Variants in INF2 observed in about 807,000 individuals in gnomAD.
The protein encoded by INF2 is inverted formin 2, also known as inverted formin-2.
INF2 carries 43 observed loss-of-function variants against 123.5 expected under a neutral mutation model. The ratio of observed to expected loss-of-function variants is 0.35; its 90% CI spans 0.27 to 0.45. The LOEUF is 0.45. Among genes scored for constraint, INF2 ranks in the 20% least tolerant of loss-of-function variants. INF2 has a pLI of 1.00. For missense variants in INF2, 1,453 were observed against 1,682.7 expected, an observed-to-expected ratio of 0.86 and a Z score of 2.39; for synonymous variants, 851 against 745.0, an observed-to-expected ratio of 1.14 and a Z score of -2.32.
intron 22 of INF2, chr14:104,715,624 C>T (rs1890264758): frequency 3.4e-6 from 2 of 590,806 alleles, no homozygotes; most frequent in Non-Finnish European, 6.1e-6. Context: ...GCAGGGCCAG[C>T]CGGACTCCCT....
At position 104,707,513 on chromosome 14, in the gene INF2, C is replaced by G. The variant is rs1409359385; in HGVS notation, c.1246C>G (p.Gln416Glu). 1 of 1,545,828 alleles carries G rather than the reference C, an allele frequency of 6.5e-7. No homozygotes were observed. Among genetic ancestry groups the G allele is most frequent in the Non-Finnish European group, 8.7e-7 (1 of 1,146,410 alleles). The change falls in exon 8 of 23, where the codon CAG becomes GAG. Residue 416 changes from glutamine (Q) to glutamate (E), a missense_variant. This residue lies in a region of INF2 where 374 missense variants were observed against 303.7 expected (regional missense o/e 1.23). Coordinates refer to ENST00000392634, the MANE Select transcript of INF2 (RefSeq NM_022489.4). The part of the protein sequence containing the change: ...LKVSQPRALE[Q>E]QASTPPPPPP... ...AGTTTCGCAGCCCAGAGCCCTGGAGCAGCAGGCGTCCACCCCACCCCCACC... is the reference window on the plus strand; with the variant it reads ...AGTTTCGCAGCCCAGAGCCCTGGAGGAGCAGGCGTCCACCCCACCCCCACC...
chr14:104,684,288 C>T lies in INF2; in HGVS notation c.-104+2706C>T, dbSNP rs549715524. The T allele has an allele frequency of 2.1e-5, 8 of 380,408 alleles. No homozygotes were observed. Among genetic ancestry groups the T allele is most frequent in the Non-Finnish European group, 4.2e-5 (8 of 189,478 alleles). 23.6% of individuals were successfully genotyped at this position (380,408 alleles called of 1,614,324 possible). A position where few individuals can be genotyped will look rare whatever the true frequency, so the allele number is the denominator to read the frequency against. On this transcript the variant is annotated intron_variant, in intron 1 of 2. Transcript: ENST00000674723. The surrounding 1 kb of genome is among the most constrained non-coding windows in gnomAD (Gnocchi z 5.0). ...CAGCAGGGAGGTGGACTGCGTCTCCCGAGGGCCAGCACTGGCTTAGCCTGC... is the reference window on the plus strand; with the variant it reads ...CAGCAGGGAGGTGGACTGCGTCTCCTGAGGGCCAGCACTGGCTTAGCCTGC...
At chr14:104,692,378 C>T (rs1372446196) in intron 1 of INF2, among the ~76,000 whole-genome samples, 3 of 152,352 alleles carry the variant, frequency 2.0e-5, no homozygotes, top group Middle Eastern at 6.8e-3. Context: ...AGCCTGGAGC[C>T]CAGCCCCGCT....
intron 22 of INF2, chr14:104,715,924 C>T (rs1259517021): frequency 2.2e-6 from 1 of 456,210 alleles, no homozygotes; most frequent in Admixed American, 2.3e-5. Flanking sequence ...AGTGTCCTCC[C>T]ACCCCGAGGC....
intron 1 of INF2, among the ~76,000 whole-genome samples, chr14:104,682,433 T>G (rs59699979): frequency 0.11 from 16,552 of 152,164 alleles, 1,384 homozygotes; most frequent in East Asian, 0.31. Flanking sequence ...GCAGATAAGG[T>G]GCCCCAGATG....
At chr14:104,703,592 G>C in intron 4 of INF2, 138 bp downstream of exon 4, 1 of 1,208,392 alleles carries the variant, frequency 8.3e-7, no homozygotes, top group South Asian at 1.2e-5. Flanking sequence ...GCGCCATCTC[G>C]GGCCTGCCAC....
intron 22 of INF2, among the ~76,000 whole-genome samples, chr14:104,718,004 TC>T (rs1193691957): frequency 1.3e-5 from 2 of 152,244 alleles, no homozygotes; most frequent in African/African-American, 4.8e-5. Context: ...AAGCCCCTGT[TC>T]CTAGCTCACC....
chr14:104,713,872 A>G (rs1191256437), intron 20 of INF2, among the ~76,000 whole-genome samples: 1 of 152,188 alleles, frequency 6.6e-6, no homozygotes, highest in East Asian at 1.9e-4. Context: ...CTCCAGAGAG[A>G]TGAGGCCAGG....
At chr14:104,700,799 A>C (rs960577430) in intron 1 of INF2, 2 of 980,184 alleles carry the variant, frequency 2.0e-6, no homozygotes, top group African/African-American at 3.5e-5. Context: ...CCCAGGGGAG[A>C]CCTGGGAGTC....
At chr14:104,717,840 G>A (rs552748012) in intron 22 of INF2, among the ~76,000 whole-genome samples, 35 of 152,332 alleles carry the variant, frequency 2.3e-4, no homozygotes, top group African/African-American at 7.2e-4. Context: ...CCGCTGCAGC[G>A]CGGTTCTGTG....
At chr14:104,683,707 A>T (rs1888589160) in intron 1 of INF2, among the ~76,000 whole-genome samples, 1 of 151,170 alleles carries the variant, frequency 6.6e-6, no homozygotes, top group East Asian at 2.0e-4. Context: ...TTCAAAACAC[A>T]GTCCAGTGGC....
upstream of INF2, chr14:104,689,587 T>TG: frequency 3.4e-5 from 29 of 851,006 alleles, no homozygotes; most frequent in South Asian, 5.4e-5. Context: ...CACCTCCTCT[T>TG]CCTCCCGCCC....
chr14:104,692,924 A>G (rs906046845), intron 1 of INF2, among the ~76,000 whole-genome samples: 2 of 152,214 alleles, frequency 1.3e-5, no homozygotes, highest in African/African-American at 4.8e-5. Flanking sequence ...GGCTGCCCCG[A>G]GCCTCTGTGC....
chr14:104,690,929 C>A (rs1888914093), intron 1 of INF2, among the ~76,000 whole-genome samples: 1 of 152,236 alleles, frequency 6.6e-6, no homozygotes, highest in South Asian at 2.1e-4. Context: ...TGAGACCTCA[C>A]ACTGCTCCCA....
Position 104,703,451 on chromosome 14 carries a change from A to G in INF2, c.664A>G (p.Ile222Val), listed in dbSNP as rs1889626323. ...RARTQLRNEF[I>V]GLQLLDVLAR... ...GCGCACCCAGCTGCGGAACGAGTTT[A>G]TCGGTAAGCACCTGCCCTGGGCCGC... Residue 222 changes from isoleucine (I) to valine (V), a missense_variant, in exon 4 of 23, where the codon ATC becomes GTC. Transcript: ENST00000392634. 1.2e-6 allele frequency: 2 copies of G among 1,611,836 alleles called. No homozygotes were observed. Among genetic ancestry groups the G allele is most frequent in the Non-Finnish European group, 1.7e-6 (2 of 1,179,930 alleles).
chr14:104,710,006 G>A, intron 12 of INF2, 82 bp from the exon 13 acceptor site: 1 of 1,241,332 alleles, frequency 8.1e-7, no homozygotes, highest in Non-Finnish European at 1.1e-6. Context: ...CACCACCCAA[G>A]CCAGAGCCCT....
At position 104,714,622 on chromosome 14, in the gene INF2, G is replaced by A; in HGVS notation, c.3460G>A (p.Asp1154Asn). 2 of 1,612,520 alleles carry A rather than the reference G, an allele frequency of 1.2e-6. No individual in the cohort carries two copies. The highest frequency in any genetic ancestry group is 1.1e-5 in the South Asian group (1 of 91,086). Residue 1154 changes from aspartate to asparagine, a missense_variant, in exon 21 of 23, where the codon GAC becomes AAC. Coordinates refer to ENST00000392634, the MANE Select transcript of INF2 (RefSeq NM_022489.4). The part of the protein sequence containing the change: ...EADSTSEGLE[D>N]AVHSRGARPP... ...CGACAGCACAAGTGAGGGGCTGGAG[G>A]ACGCTGTCCACAGCCGTGGTGCCAG...
chr14:104,708,030 G>C (rs765913802), intron 8 of INF2, 28 bp downstream of exon 8: 1 of 1,598,044 alleles, frequency 6.3e-7, no homozygotes, highest in Admixed American at 1.7e-5. Context: ...CCCAAGGGAA[G>C]CTTCCCCTAG....
At chr14:104,716,699 A>G (rs908847124) in intron 22 of INF2, among the ~76,000 whole-genome samples, 1 of 151,526 alleles carries the variant, frequency 6.6e-6, no homozygotes, top group African/African-American at 2.4e-5. Flanking sequence ...TTTATTTTTT[A>G]TTTTTTTTCA....
Sources: gnomAD v4.1 joint callset for allele counts (sites outside exome capture counted in the v4.1 genomes callset) on GRCh38, gnomAD v4.1.1 for gene constraint, gnomAD v4.1.1 regional missense constraint, Gnocchi (gnomAD v3.1) non-coding constraint, MANE v1.5 for transcripts, NCBI Gene and HGNC (gene_info 2026-07-23, HGNC 2026-07-21) for gene names.